L3MBTL4: variants seen among roughly 807,000 people sequenced by gnomAD.
L3MBTL4 encodes lethal(3)malignant brain tumor-like protein 4.
L3MBTL4 carries 70 observed loss-of-function variants against 84.5 expected under a neutral mutation model. The ratio of observed to expected loss-of-function variants is 0.83; its 90% CI spans 0.68 to 1.01. L3MBTL4 has a LOEUF of 1.01. L3MBTL4 is among the 50% of genes least tolerant of loss of function. L3MBTL4 has a pLI of 0.00. For synonymous variants in L3MBTL4, 274 were observed against 259.8 expected (o/e 1.05, Z -0.52); for missense variants, 715 against 754.8 (o/e 0.95, Z 0.62).
intron 13 of L3MBTL4, among the ~76,000 whole-genome samples, chr18:6,169,313 G>A (rs575964186): frequency 3.3e-5 from 5 of 152,126 alleles, no homozygotes; most frequent in Non-Finnish European, 7.4e-5. Flanking sequence ...ATTTGACCCA[G>A]CCATCCCATT....
intron 13 of L3MBTL4, among the ~76,000 whole-genome samples, chr18:6,167,527 G>T (rs994477570): frequency 6.6e-6 from 1 of 152,082 alleles, no homozygotes; most frequent in African/African-American, 2.4e-5. Context: ...TTCAACATAC[G>T]CAAATCAATA....
At chr18:6,046,614 A>G in intron 16 of L3MBTL4, 1 of 607,834 alleles carries the variant, frequency 1.6e-6, no homozygotes, top group Non-Finnish European at 3.0e-6. Context: ...CCAAAACCAC[A>G]CATTACATGG....
In L3MBTL4 at chr18:6,379,818, G is replaced by C. The variant is rs942357452; in HGVS notation, c.-91+34983C>G. Among the ~76,000 whole-genome samples, 8 of 152,216 alleles carry C rather than the reference G, an allele frequency of 5.3e-5. No homozygotes were observed. The East Asian group carries it at 7.7e-4, about 15-fold the overall frequency. ...CTCTGCCAGGTTTTGGTATCGGAAT[G>C]ATGCTGGCCTCATAAAATGAGTTAG... On this transcript the variant is annotated intron_variant, in intron 1 of 18. Transcript: ENST00000317931.
At chr18:6,285,613 A>G (rs2049537332) in intron 4 of L3MBTL4, among the ~76,000 whole-genome samples, 1 of 151,902 alleles carries the variant, frequency 6.6e-6, no homozygotes, top group Non-Finnish European at 1.5e-5. Flanking sequence ...GGCACATACC[A>G]TTGCTCCAAA....
At chr18:5,966,414 C>T (rs1567924548) in intron 17 of L3MBTL4, among the ~76,000 whole-genome samples, 1 of 152,204 alleles carries the variant, frequency 6.6e-6, no homozygotes, top group Non-Finnish European at 1.5e-5. Flanking sequence ...TCCTGCTGCA[C>T]CGCACACTCT....
chr18:6,043,086 GT>G (rs957180888), intron 16 of L3MBTL4, among the ~76,000 whole-genome samples: 7 of 152,074 alleles, frequency 4.6e-5, no homozygotes, highest in African/African-American at 1.4e-4. Flanking sequence ...CATTATCCAA[GT>G]CCTGTTGATG....
intron 12 of L3MBTL4, among the ~76,000 whole-genome samples, chr18:6,190,629 G>T (rs913901775): frequency 5.9e-5 from 9 of 152,158 alleles, no homozygotes; most frequent in African/African-American, 2.2e-4. Context: ...GGATATATCA[G>T]TGAACAAAAC....
chr18:6,297,668 A>G (rs537618387), intron 4 of L3MBTL4, among the ~76,000 whole-genome samples: 2 of 152,274 alleles, frequency 1.3e-5, no homozygotes, highest in African/African-American at 2.4e-5. Flanking sequence ...TGATTACAAC[A>G]TGATTAAATA....
At chr18:6,032,262 C>A in intron 16 of L3MBTL4, 6 of 954,486 alleles carry the variant, frequency 6.3e-6, no homozygotes, top group Non-Finnish European at 7.5e-6. Flanking sequence ...CAGGCATGAG[C>A]CACCGCACTC....
At chr18:6,156,390 T>C (rs1277544603) in intron 13 of L3MBTL4, among the ~76,000 whole-genome samples, 1 of 148,304 alleles carries the variant, frequency 6.7e-6, no homozygotes, top group Non-Finnish European at 1.5e-5. Context: ...ACAACAACAA[T>C]GAGATGATAA....
chr18:6,228,472 G>A (rs2046866434), intron 10 of L3MBTL4, among the ~76,000 whole-genome samples: 2 of 151,960 alleles, frequency 1.3e-5, no homozygotes, highest in African/African-American at 4.8e-5. Context: ...CAGACTGAGA[G>A]AAAATATTTG....
At chr18:6,306,461 AACTGG>A (rs1277262239) in intron 3 of L3MBTL4, among the ~76,000 whole-genome samples, 6 of 152,256 alleles carry the variant, frequency 3.9e-5, no homozygotes, top group African/African-American at 1.4e-4. Context: ...GACTGTTGTA[AACTGG>A]CATCAGTCTT....
In L3MBTL4 at chr18:6,247,466, A is replaced by ATTTTTTTT. The variant is rs71163266; in HGVS notation, c.220-2886_220-2879dup. Among the ~76,000 whole-genome samples, 22 of 49,642 alleles carry ATTTTTTTT rather than the reference A, an allele frequency of 4.4e-4. 6 individuals carry two copies. The highest frequency in any genetic ancestry group is 2.1e-3 in the African/African-American group (20 of 9,676). The allele number at this position is 49,642 out of a possible 152,430, so 32.6% of individuals were successfully genotyped here. A position where few individuals can be genotyped will look rare whatever the true frequency, so the allele number is the denominator to read the frequency against. The stretch of plus-strand genomic sequence containing the variant: ...AGAATGCAGACTTCCCCCTCCTCTG[A>ATTTTTTTT]TTTTTTTTTTTTTTTTTTTTTTTTT... On this transcript the variant is annotated intron_variant, in intron 5 of 18. Transcript: ENST00000317931.
At chr18:6,024,210 T>G (rs941792468) in intron 16 of L3MBTL4, among the ~76,000 whole-genome samples, 4 of 152,222 alleles carry the variant, frequency 2.6e-5, no homozygotes. Flanking sequence ...TTTTGCAATG[T>G]TCACAACTAC....
rs143724744 is a variant in L3MBTL4 at position 6,181,132 on chromosome 18, G to A, written c.982-9190C>T. Reference sequence around the variant, plus strand: ...TGGGGAATTACTGGTTTTTGGGTACGGACTTTCTGTTTGAGGTGAGGACAA... The same window carrying A: ...TGGGGAATTACTGGTTTTTGGGTACAGACTTTCTGTTTGAGGTGAGGACAA... On this transcript the variant is annotated intron_variant, in intron 12 of 18. Coordinates refer to ENST00000317931, the MANE Select transcript of L3MBTL4 (RefSeq NM_001330559.2). Among the ~76,000 whole-genome samples the A allele has an allele frequency of 2.3e-3, 342 of 151,872 alleles. 2 individuals carry two copies. The highest frequency in any genetic ancestry group is 0.01 in the Middle Eastern group (3 of 292).
At chr18:6,106,470 A>G (rs2059011661) in intron 14 of L3MBTL4, among the ~76,000 whole-genome samples, 1 of 152,226 alleles carries the variant, frequency 6.6e-6, no homozygotes, top group African/African-American at 2.4e-5. Flanking sequence ...GCAAGAATAA[A>G]ACATGGTGAA....
chr18:6,196,305 C>A (rs898131407), intron 12 of L3MBTL4, among the ~76,000 whole-genome samples: 2 of 151,944 alleles, frequency 1.3e-5, no homozygotes, highest in African/African-American at 4.8e-5. Context: ...CTACAGGCGC[C>A]CGCCACCACG....
chr18:6,318,311 G>A (rs541020766), intron 1 of L3MBTL4, among the ~76,000 whole-genome samples: 1 of 151,708 alleles, frequency 6.6e-6, no homozygotes, highest in Admixed American at 6.6e-5. Context: ...GATACAGATT[G>A]GCAGAATGGA....
chr18:6,399,225 G>A (rs1452604697), intron 1 of L3MBTL4, among the ~76,000 whole-genome samples: 5 of 152,160 alleles, frequency 3.3e-5, no homozygotes, highest in Non-Finnish European at 5.9e-5. Context: ...AGATCACGAG[G>A]TCAGGCGTTC....
Sources: allele counts gnomAD v4.1 joint callset (sites outside exome capture counted in the v4.1 genomes callset), GRCh38; gene constraint gnomAD v4.1.1; transcripts MANE v1.5; gene names NCBI Gene and HGNC (gene_info 2026-07-23, HGNC 2026-07-21).